Variants in TMX4 observed in about 807,000 individuals in gnomAD.
TMX4 encodes thioredoxin-related transmembrane protein 4.
In TMX4, 23 loss-of-function variants were observed where a neutral mutation model predicts 33.3. The observed-to-expected ratio is 0.69, with a 90% CI of 0.50 to 0.98. The LOEUF (loss-of-function observed/expected upper bound fraction) is 0.98, where lower values mean the gene tolerates loss of function less well. Ranked by LOEUF, TMX4 falls within the 50% of genes least tolerant of loss-of-function variation. The probability of loss-of-function intolerance (pLI) is 0.00; values close to 1 mark genes in which losing one functional copy is unlikely to be tolerated. For missense variants in TMX4, 399 were observed against 448.9 expected (o/e 0.89, Z 1.01); for synonymous variants, 164 against 161.5 (o/e 1.02, Z -0.12).
At chr20:8,003,196 T>G (rs2050714470) in intron 2 of TMX4, among the ~76,000 whole-genome samples, 2 of 152,194 alleles carry the variant, frequency 1.3e-5, no homozygotes, top group African/African-American at 4.8e-5. Flanking sequence ...AACAGCTTCA[T>G]ACATTACTTC....
intron 1 of TMX4, among the ~76,000 whole-genome samples, chr20:8,017,425 G>A (rs1386078240): frequency 6.6e-6 from 1 of 152,168 alleles, no homozygotes; most frequent in Non-Finnish European, 1.5e-5. Context: ...CAGAGCAATT[G>A]ATTACTATGT....
chr20:8,001,814 G>A (rs1407642115), intron 2 of TMX4, among the ~76,000 whole-genome samples: 3 of 152,098 alleles, frequency 2.0e-5, no homozygotes, highest in Non-Finnish European at 4.4e-5. Flanking sequence ...GTTAAATACC[G>A]ACTTACCCAT....
chr20:8,019,331 T>C (rs2050800415), intron 1 of TMX4, 107 bp downstream of exon 1: 1 of 1,310,564 alleles, frequency 7.6e-7, no homozygotes, highest in Non-Finnish European at 1.0e-6. Context: ...TCCGGGGTTT[T>C]AGGTTGAGCC....
chr20:8,015,589 C>A (rs1394762064), intron 1 of TMX4, among the ~76,000 whole-genome samples: 2 of 152,214 alleles, frequency 1.3e-5, no homozygotes, highest in African/African-American at 4.8e-5. Flanking sequence ...ACCTTCCCAG[C>A]TCCCCAACAC....
chr20:8,018,961 C>G (rs2050796828), intron 1 of TMX4: 2 of 432,300 alleles, frequency 4.6e-6, no homozygotes, highest in Non-Finnish European at 4.6e-6. Flanking sequence ...CAACAGGTAA[C>G]TTGCTTAGCC....
At chr20:8,001,187 A>G (rs1415209798) in intron 3 of TMX4, among the ~76,000 whole-genome samples, 9 of 152,162 alleles carry the variant, frequency 5.9e-5, no homozygotes, top group Non-Finnish European at 1.2e-4. Context: ...ATCTCCTTTA[A>G]CTGGAAAGAC....
chr20:7,995,859 A>C (rs1215820364), intron 5 of TMX4, among the ~76,000 whole-genome samples, 167 bp downstream of exon 5: 22 of 152,038 alleles, frequency 1.4e-4, no homozygotes, highest in Admixed American at 1.4e-3. Context: ...GCCCTTCTAC[A>C]TGACGACATT....
rs143688789 is a variant in TMX4 at position 7,994,831 on chromosome 20, T to TCATAC, written c.513+1194_513+1195insGTATG. On this transcript the variant is annotated intron_variant, in intron 5 of 7. Coordinates refer to ENST00000246024, the MANE Select transcript of TMX4 (RefSeq NM_021156.4). ...GCAGAATCTCTTTTCAATTCCCAGT[T>TCATAC]TGCAATTCATAATTCTTAGCCCTTG... 9.6e-3 allele frequency among the ~76,000 whole-genome samples: 1,461 copies of TCATAC among 152,270 alleles called. 45 individuals carry two copies. Among genetic ancestry groups the TCATAC allele is most frequent in the East Asian group, 0.064 (333 of 5,170 alleles).
intron 5 of TMX4, among the ~76,000 whole-genome samples, chr20:7,992,381 G>A (rs1255700907): frequency 6.6e-5 from 10 of 152,232 alleles, no homozygotes; most frequent in East Asian, 5.8e-4. Context: ...GCAGGTGAGC[G>A]CCATCATGAG....
chr20:7,993,834 T>C (rs2050665170), intron 5 of TMX4, among the ~76,000 whole-genome samples: 1 of 152,086 alleles, frequency 6.6e-6, no homozygotes, highest in African/African-American at 2.4e-5. Flanking sequence ...ATTTGCGTTC[T>C]TTTATGTGCA....
At chr20:7,995,986 C>G (rs201552288) in intron 5 of TMX4, 40 bp downstream of exon 5, 2 of 1,476,848 alleles carry the variant, frequency 1.4e-6, no homozygotes, top group African/African-American at 2.8e-5. Flanking sequence ...TTATTCTTAA[C>G]CTCTCTGCAA....
In TMX4 at chr20:8,006,125, C is replaced by CGTGGG. The variant is rs144549156; in HGVS notation, c.292+4070_292+4074dup. Among the ~76,000 whole-genome samples the CGTGGG allele has an allele frequency of 8.9e-3, 1,355 of 151,572 alleles. 16 individuals carry two copies. The highest frequency in any genetic ancestry group is 0.027 in the Middle Eastern group (8 of 294). On this transcript the variant is annotated intron_variant, in intron 2 of 7. Coordinates refer to ENST00000246024, the MANE Select transcript of TMX4 (RefSeq NM_021156.4). ...GTAAACATTCACCCCTTTATGCTGC[C>CGTGGG]GTGGGATCGGAGCCCCACAGCCTGC...
At chr20:8,008,810 A>G (rs912908821) in intron 2 of TMX4, among the ~76,000 whole-genome samples, 11 of 152,202 alleles carry the variant, frequency 7.2e-5, no homozygotes, top group Middle Eastern at 3.2e-3. Context: ...AACTTATTAT[A>G]ACAGCCAAAA....
intron 5 of TMX4, among the ~76,000 whole-genome samples, chr20:7,988,125 CA>C (rs1302464242): frequency 6.6e-6 from 1 of 152,174 alleles, no homozygotes; most frequent in Non-Finnish European, 1.5e-5. Flanking sequence ...ATTTCAAAGT[CA>C]AAACCTACTT....
intron 2 of TMX4, among the ~76,000 whole-genome samples, chr20:8,004,794 T>C (rs2050721386): frequency 6.6e-6 from 1 of 152,228 alleles, no homozygotes; most frequent in Non-Finnish European, 1.5e-5. Flanking sequence ...TAGCATGTTA[T>C]CTTTGTCATG....
chr20:7,988,683 T>A (rs1246835048), intron 5 of TMX4, among the ~76,000 whole-genome samples: 1 of 152,220 alleles, frequency 6.6e-6, no homozygotes, highest in African/African-American at 2.4e-5. Context: ...CTGTCCTCTG[T>A]TGATGGCACT....
In TMX4 at chr20:7,981,169, C is replaced by T. The variant is rs1444217538; in HGVS notation, c.*1082G>A. On this transcript the variant is annotated 3_prime_UTR_variant, in exon 8 of 8. Coordinates refer to ENST00000246024, the MANE Select transcript of TMX4 (RefSeq NM_021156.4). ...ACAGAAGATGGAAACAAAATCAAAT[C>T]TTTCACTTTCAGGTACTGGAGTTCA... The T allele has an allele frequency of 6.6e-6, 1 of 152,014 alleles. No homozygotes were observed. Among genetic ancestry groups the T allele is most frequent in the Admixed American group, 6.6e-5 (1 of 15,266 alleles). The allele number at this position is 152,014 out of a possible 1,614,324, so 9.4% of individuals were successfully genotyped here.
chr20:8,011,491 T>C (rs1463907510), intron 1 of TMX4, among the ~76,000 whole-genome samples: 2 of 148,378 alleles, frequency 1.3e-5, no homozygotes, highest in African/African-American at 5.0e-5. Flanking sequence ...AAAAAATCAA[T>C]GCAATGACAC....
chr20:8,004,718 T>C (rs1443713707), intron 2 of TMX4, among the ~76,000 whole-genome samples: 2 of 152,188 alleles, frequency 1.3e-5, no homozygotes, highest in Admixed American at 6.5e-5. Context: ...AGAAATTATT[T>C]AGGTTCAGTA....
Sources: gnomAD v4.1 joint callset for allele counts (sites outside exome capture counted in the v4.1 genomes callset) on GRCh38, gnomAD v4.1.1 for gene constraint, MANE v1.5 for transcripts, NCBI Gene and HGNC (gene_info 2026-07-23, HGNC 2026-07-21) for gene names.